Variants in ANK1 observed in about 807,000 individuals in gnomAD.
ANK1 encodes the protein ankyrin 1.
ANK1 carries 51 observed loss-of-function variants against 210.4 expected under a neutral mutation model. The ratio of observed to expected loss-of-function variants is 0.24; its 90% CI spans 0.19 to 0.31. ANK1 has a LOEUF of 0.31. Ranked by LOEUF, ANK1 falls within the 10% of genes least tolerant of loss-of-function variation. ANK1 has a pLI of 1.00. For missense variants in ANK1, 2,051 were observed against 2,504.4 expected, an observed-to-expected ratio of 0.82 and a Z score of 3.86; for synonymous variants, 967 against 1,025.9, an observed-to-expected ratio of 0.94 and a Z score of 1.10.
At chr8:41,796,689 A>T (rs542197338) in intron 1 of ANK1, among the ~76,000 whole-genome samples, 5 of 150,660 alleles carry the variant, frequency 3.3e-5, no homozygotes, top group Admixed American at 3.3e-4. Context: ...ACTAAACCAG[A>T]CTCCTTTTCA....
At chr8:41,894,122 C>T (rs1175316558) in intron 1 of ANK1, among the ~76,000 whole-genome samples, 7 of 152,158 alleles carry the variant, frequency 4.6e-5, no homozygotes, top group Admixed American at 2.6e-4. Flanking sequence ...TTACAAAATA[C>T]GAACAAAGCA....
At chr8:41,730,137 T>C (rs1377789233) in intron 3 of ANK1, among the ~76,000 whole-genome samples, 1 of 152,240 alleles carries the variant, frequency 6.6e-6, no homozygotes, top group African/African-American at 2.4e-5. Context: ...TCCTGTCACC[T>C]GGAGGAAAAG....
At chr8:41,659,241 CAG>C (rs1269554491) in intron 42 of ANK1, among the ~76,000 whole-genome samples, 3 of 152,202 alleles carry the variant, frequency 2.0e-5, no homozygotes, top group Non-Finnish European at 2.9e-5. Context: ...GCACTGCCCT[CAG>C]GGGCCATTCT....
Position 41,739,509 on chromosome 8 carries a change from G to GTTTTTTTCTTTCTTTT in ANK1, c.130-5456_130-5441dup, listed in dbSNP as rs1554587127. ...CTTTGTCTCTCGACAATAGTTCATT[G>GTTTTTTTCTTTCTTTT]TTTTTTTCTTTCTTTTTTTTTTTTT... On this transcript the variant is annotated intron_variant, in intron 2 of 42. Transcript: ENST00000289734. Among the ~76,000 whole-genome samples, 274 of 120,334 alleles carry GTTTTTTTCTTTCTTTT rather than the reference G, an allele frequency of 2.3e-3. 13 individuals are homozygous for GTTTTTTTCTTTCTTTT. The highest frequency in any genetic ancestry group is 7.7e-3 in the South Asian group (27 of 3,514). The allele number at this position is 120,334 out of a possible 152,430, so 78.9% of individuals were successfully genotyped here. A position where few individuals can be genotyped will look rare whatever the true frequency, so the allele number is the denominator to read the frequency against.
At chr8:41,810,029 G>C (rs974561699) in intron 1 of ANK1, among the ~76,000 whole-genome samples, 4 of 152,212 alleles carry the variant, frequency 2.6e-5, no homozygotes, top group Admixed American at 1.3e-4. Flanking sequence ...CAGTGGGGAG[G>C]GGGGACAGGG....
intron 1 of ANK1, among the ~76,000 whole-genome samples, chr8:41,886,159 T>C (rs1410740233): frequency 2.0e-5 from 3 of 152,228 alleles, no homozygotes; most frequent in African/African-American, 4.8e-5. Context: ...GACATGTGTT[T>C]CTCTCTGCCA....
In ANK1 at chr8:41,695,298, G is replaced by A. The variant is rs1400740277; in HGVS notation, c.2994C>T (p.Ser998=). 2 of 1,614,046 alleles carry A rather than the reference G, an allele frequency of 1.2e-6. No individual in the cohort carries two copies. The highest frequency in any genetic ancestry group is 1.1e-5 in the South Asian group (1 of 91,068). Residue 998 remains serine (S), a synonymous_variant, in exon 27 of 43, where the codon TCC becomes TCT. Transcript: ENST00000289734. ...CGAGCTCGCGGTCTCCACGGCCATG[G>A]GAGGCAAAGTGCGGGATCTCCACGA... The part of the protein sequence containing the change: ...PVIVEIPHFA[S]HGRGDRELVV...
intron 1 of ANK1, among the ~76,000 whole-genome samples, chr8:41,894,014 T>C (rs553339549): frequency 1.3e-5 from 2 of 152,220 alleles, no homozygotes; most frequent in African/African-American, 4.8e-5. Context: ...TCTAGAGCTT[T>C]CCACCTGCTT....
At chr8:41,765,443 C>T (rs1314408758) in intron 1 of ANK1, among the ~76,000 whole-genome samples, 1 of 152,020 alleles carries the variant, frequency 6.6e-6, no homozygotes, top group Non-Finnish European at 1.5e-5. Context: ...GATAAAGTCT[C>T]CCTATGTTGC....
At chr8:41,842,289 C>T (rs1354260701) in intron 1 of ANK1, among the ~76,000 whole-genome samples, 4 of 152,128 alleles carry the variant, frequency 2.6e-5, no homozygotes, top group Non-Finnish European at 4.4e-5. Context: ...TCAGGAGTTC[C>T]AGACCAGCCT....
At chr8:41,752,022 A>T (rs959282092) in intron 2 of ANK1, among the ~76,000 whole-genome samples, 1 of 152,008 alleles carries the variant, frequency 6.6e-6, no homozygotes, top group South Asian at 2.1e-4. Context: ...GGGCCTTTGC[A>T]CGTGTTTCCT....
intron 16 of ANK1, among the ~76,000 whole-genome samples, chr8:41,711,795 A>G (rs10104202): frequency 0.037 from 5,608 of 152,114 alleles, 188 homozygotes; most frequent in African/African-American, 0.094. Context: ...CCTCAGACAC[A>G]CTTTCTCAGG....
chr8:41,695,096 C>T, intron 27 of ANK1, 81 bp downstream of exon 27: 1 of 1,584,450 alleles, frequency 6.3e-7, no homozygotes, highest in African/African-American at 1.3e-5. Context: ...TTCAGGTGGC[C>T]CTCAAAGACC....
rs996048130 is a variant in ANK1 at position 41,654,965 on chromosome 8, C to A, written c.*825G>T. 9.8e-5 allele frequency: 15 copies of A among 152,580 alleles called. No homozygotes were observed. Among genetic ancestry groups the A allele is most frequent in the African/African-American group, 3.6e-4 (15 of 41,444 alleles). The allele number at this position is 152,580 out of a possible 1,614,324, so 9.5% of individuals were successfully genotyped here. On this transcript the variant is annotated 3_prime_UTR_variant, in exon 43 of 43. Coordinates refer to ENST00000289734, the MANE Select transcript of ANK1 (RefSeq NM_000037.4). ...ATTCTTAAGTCCCTAACACAAGGAA[C>A]CCCGAATGCACTCTTCAAGGTAATG...
intron 29 of ANK1, among the ~76,000 whole-genome samples, 195 bp downstream of exon 29, chr8:41,693,703 G>A (rs1168714625): frequency 6.6e-6 from 1 of 152,134 alleles, no homozygotes; most frequent in Non-Finnish European, 1.5e-5. Flanking sequence ...GGGATTACAG[G>A]CGTGAGTCAC....
intron 16 of ANK1, among the ~76,000 whole-genome samples, chr8:41,713,808 C>CA (rs1188930347): frequency 6.6e-6 from 1 of 152,190 alleles, no homozygotes; most frequent in African/African-American, 2.4e-5. Context: ...GAAACGGGCT[C>CA]ACCACTCCCC....
intron 2 of ANK1, among the ~76,000 whole-genome samples, chr8:41,736,394 A>T (rs947606900): frequency 9.2e-5 from 14 of 152,348 alleles, no homozygotes; most frequent in African/African-American, 3.4e-4. Context: ...TTTTTCAGGC[A>T]GCACACAGCA....
At chr8:41,750,857 T>C (rs1408467531) in intron 2 of ANK1, among the ~76,000 whole-genome samples, 4 of 152,226 alleles carry the variant, frequency 2.6e-5, no homozygotes, top group African/African-American at 9.7e-5. Flanking sequence ...AGCTTCTCCT[T>C]TTCATGGAAA....
chr8:41,694,228 A>G lies in ANK1; in HGVS notation c.3328-126T>C. 1 of 1,026,556 alleles carries G rather than the reference A, an allele frequency of 9.7e-7. No individual in the cohort carries two copies. Among genetic ancestry groups the G allele is most frequent in the Non-Finnish European group, 1.4e-6 (1 of 702,290 alleles). The allele number at this position is 1,026,556 out of a possible 1,614,324, so 63.6% of individuals were successfully genotyped here. A position where few individuals can be genotyped will look rare whatever the true frequency, so the allele number is the denominator to read the frequency against. The stretch of plus-strand genomic sequence containing the variant: ...GGGTCCCGCCCTGCTGTTGGACCAC[A>G]GAACCGACACGGTGGAGCTTGCCTT... On this transcript the variant is annotated intron_variant, in intron 28 of 42. Transcript: ENST00000289734. The surrounding 1 kb of genome is among the most constrained non-coding windows in gnomAD (Gnocchi z 5.7).
Sources: gnomAD v4.1 joint callset for allele counts (sites outside exome capture counted in the v4.1 genomes callset) on GRCh38, gnomAD v4.1.1 for gene constraint, Gnocchi (gnomAD v3.1) non-coding constraint, MANE v1.5 for transcripts, NCBI Gene and HGNC (gene_info 2026-07-23, HGNC 2026-07-21) for gene names.